Variants in GRAMD4 observed in about 807,000 individuals in gnomAD.
The protein encoded by GRAMD4 is GRAM domain-containing protein 4.
A neutral mutation model predicts 83.9 loss-of-function variants in GRAMD4; 25 were observed. The ratio of observed to expected loss-of-function variants is 0.30; its 90% CI spans 0.22 to 0.42. GRAMD4 has a LOEUF of 0.42. GRAMD4 is among the 10% of genes least tolerant of loss of function. GRAMD4 has a pLI of 1.00. For missense variants in GRAMD4, 593 were observed against 788.7 expected (o/e 0.75, Z 2.97); for synonymous variants, 336 against 320.9 (o/e 1.05, Z -0.50).
chr22:46,627,951 G>A (rs2081695319), intron 2 of GRAMD4, among the ~76,000 whole-genome samples: 4 of 152,240 alleles, frequency 2.6e-5, no homozygotes, highest in Admixed American at 6.5e-5. Flanking sequence ...TTGGTCCTGG[G>A]GGTGGACCGG....
intron 1 of GRAMD4, among the ~76,000 whole-genome samples, chr22:46,578,666 C>T (rs1249634774): frequency 6.6e-6 from 1 of 152,204 alleles, no homozygotes; most frequent in African/African-American, 2.4e-5. Flanking sequence ...TCAGTTGCTG[C>T]CTCTGCCCCG....
At chr22:46,656,682 G>T (rs1468549225) in intron 3 of GRAMD4, among the ~76,000 whole-genome samples, 1 of 152,234 alleles carries the variant, frequency 6.6e-6, no homozygotes. Flanking sequence ...GACCCCCAAG[G>T]GTTCCTGCCT....
chr22:46,663,023 G>A lies in GRAMD4; in HGVS notation c.467-17G>A, dbSNP rs2082352085. The A allele has an allele frequency of 6.3e-7, 1 of 1,595,584 alleles. No homozygotes were observed. The highest frequency in any genetic ancestry group is 1.7e-5 in the Admixed American group (1 of 59,064). ...TGCAGCCCTGCCGTGCCCTCACCGG[G>A]TCCCTGCCCCCTGCAGAGCGCCGGA... On this transcript the variant is annotated splice_polypyrimidine_tract_variant and intron_variant, in intron 5 of 18. Transcript: ENST00000406902.
intron 1 of GRAMD4, among the ~76,000 whole-genome samples, chr22:46,580,665 G>T (rs920033346): frequency 6.6e-6 from 1 of 152,100 alleles, no homozygotes; most frequent in African/African-American, 2.4e-5. Flanking sequence ...CAGAGGTGGC[G>T]CAAGAAAATG....
At chr22:46,671,292 C>T (rs540973180) in intron 13 of GRAMD4, 24 of 206,958 alleles carry the variant, frequency 1.2e-4, no homozygotes, top group Admixed American at 5.7e-4. Context: ...CCTGTAATCC[C>T]AGCACTTTGG....
At chr22:46,629,027 T>A (rs555167081) in intron 2 of GRAMD4, among the ~76,000 whole-genome samples, 2 of 151,930 alleles carry the variant, frequency 1.3e-5, no homozygotes, top group Non-Finnish European at 2.9e-5. Flanking sequence ...GGGCAAATGC[T>A]GCAGAGGCCA....
rs118103580 is a variant in GRAMD4 at position 46,622,304 on chromosome 22, G to A, written c.-50+1739G>A. On this transcript the variant is annotated intron_variant, in intron 1 of 18. Coordinates refer to ENST00000406902, the MANE Select transcript of GRAMD4 (RefSeq NM_015124.5). The surrounding 1 kb of genome is among the most constrained non-coding windows in gnomAD (Gnocchi z 4.0). ...GCTTTCCTTGGGTGGAGGCCAGCTC[G>A]GTGCCCTACACAGGGCCTGCAGGCC... Among the ~76,000 whole-genome samples the A allele has an allele frequency of 6.6e-5, 10 of 152,280 alleles. No homozygotes were observed. The highest frequency in any genetic ancestry group is 5.8e-4 in the East Asian group (3 of 5,174).
chr22:46,649,179 G>A (rs148287661), intron 3 of GRAMD4, among the ~76,000 whole-genome samples: 1 of 152,340 alleles, frequency 6.6e-6, no homozygotes, highest in African/African-American at 2.4e-5. Flanking sequence ...AGAGTCACCA[G>A]CTGGAACTGG....
chr22:46,585,132 G>A (rs1050419984), intron 1 of GRAMD4, among the ~76,000 whole-genome samples: 3 of 152,068 alleles, frequency 2.0e-5, no homozygotes, highest in Admixed American at 6.5e-5. Flanking sequence ...CTGGTTTGTC[G>A]GCGGTGTTTT....
intron 3 of GRAMD4, among the ~76,000 whole-genome samples, chr22:46,643,119 CCA>C (rs2082002042): frequency 2.9e-5 from 3 of 102,744 alleles, no homozygotes; most frequent in Non-Finnish European, 4.3e-5. Flanking sequence ...ATCCATCCAT[CCA>C]TGCATCCATC....
chr22:46,588,421 G>A (rs35810233), intron 1 of GRAMD4, among the ~76,000 whole-genome samples: 51,866 of 152,104 alleles, frequency 0.34, 9,914 homozygotes, highest in African/African-American at 0.48. Flanking sequence ...GGGCAGACCC[G>A]GCTGGCTTGT....
chr22:46,674,825 T>G lies in GRAMD4; in HGVS notation c.1478+75T>G. 3 of 1,073,398 alleles carry G rather than the reference T, an allele frequency of 2.8e-6. No individual in the cohort carries two copies. The South Asian group carries it at 3.7e-5, about 13-fold the overall frequency. 66.5% of individuals were successfully genotyped at this position (1,073,398 alleles called of 1,614,324 possible). On this transcript the variant is annotated intron_variant, in intron 16 of 18. Transcript: ENST00000406902. ...AGGCTGCCTAGGCCCTGGGATGGCG[T>G]GGCTGGCCCAGTGCAGGTTTTCCTG... is the stretch of plus-strand genomic sequence containing the variant.
At chr22:46,594,138 ACCCCAGCATCCCGCCAGCCCCT>A (rs904490084) in intron 1 of GRAMD4, among the ~76,000 whole-genome samples, 2 of 92,454 alleles carry the variant, frequency 2.2e-5, no homozygotes, top group African/African-American at 8.6e-5. Flanking sequence ...TGCCAGCCCC[ACCCCAGCATCCCGCCAGCCCCT>A]CCCCAGCTGC....
chr22:46,665,922 G>T (rs2082401836), intron 9 of GRAMD4, among the ~76,000 whole-genome samples: 1 of 152,226 alleles, frequency 6.6e-6, no homozygotes, highest in East Asian at 1.9e-4. Context: ...TCCCCCAGCA[G>T]CTCCTTCCCC....
intron 1 of GRAMD4, among the ~76,000 whole-genome samples, chr22:46,600,477 C>T (rs541888330): frequency 9.6e-4 from 146 of 152,318 alleles, no homozygotes; most frequent in African/African-American, 3.2e-3. Flanking sequence ...CGTGATGAGG[C>T]AGAGCATGTG....
chr22:46,586,079 A>G (rs1374689871), intron 1 of GRAMD4, among the ~76,000 whole-genome samples: 1 of 152,018 alleles, frequency 6.6e-6, no homozygotes, highest in Non-Finnish European at 1.5e-5. Context: ...CTAAGGAAGC[A>G]GGTGGAATTG....
chr22:46,615,486 C>T (rs1237781597), upstream of GRAMD4, among the ~76,000 whole-genome samples: 1 of 136,196 alleles, frequency 7.3e-6, no homozygotes, highest in African/African-American at 2.8e-5. Context: ...TGTGTAGGTT[C>T]CCCCGTGTGT....
At chr22:46,593,214 G>T (rs114269747) in intron 1 of GRAMD4, among the ~76,000 whole-genome samples, 5 of 151,984 alleles carry the variant, frequency 3.3e-5, no homozygotes, top group African/African-American at 1.2e-4. Flanking sequence ...TTAAAAAGTC[G>T]TAAGTTCTGA....
chr22:46,643,123 G>GGATCCATCTGTC (rs2082002529), intron 3 of GRAMD4, among the ~76,000 whole-genome samples: 3 of 23,830 alleles, frequency 1.3e-4, no homozygotes, highest in Admixed American at 5.1e-4. Flanking sequence ...ATCCATCCAT[G>GGATCCATCTGTC]CATCCATCCA....
Sources: gnomAD v4.1 joint callset for allele counts (sites outside exome capture counted in the v4.1 genomes callset) on GRCh38, gnomAD v4.1.1 for gene constraint, Gnocchi (gnomAD v3.1) non-coding constraint, MANE v1.5 for transcripts, NCBI Gene and HGNC (gene_info 2026-07-23, HGNC 2026-07-21) for gene names.